SV2B: variants seen among roughly 807,000 people sequenced by gnomAD.
SV2B encodes the protein solute carrier family 22 member B2.
Under a neutral mutation model 73.9 loss-of-function variants are expected in SV2B, and 41 were observed. The observed-to-expected ratio is 0.56, with a 90% CI of 0.43 to 0.72. SV2B has a LOEUF of 0.72. SV2B is among the 30% of genes least tolerant of loss of function. The probability of loss-of-function intolerance (pLI) is 0.00; values close to 1 mark genes in which losing one functional copy is unlikely to be tolerated. For missense variants in SV2B, 764 were observed against 857.8 expected (o/e 0.89, Z 1.37); for synonymous variants, 314 against 314.2 (o/e 1.00, Z 0.01).
chr15:91,134,376 C>A (rs1022836052), intron 1 of SV2B, among the ~76,000 whole-genome samples: 1 of 152,152 alleles, frequency 6.6e-6, no homozygotes, highest in African/African-American at 2.4e-5. Flanking sequence ...GATGTTGCTA[C>A]AATTCAGAAT....
intron 2 of SV2B, among the ~76,000 whole-genome samples, chr15:91,235,564 T>G (rs1180584358): frequency 6.6e-6 from 1 of 152,086 alleles, no homozygotes; most frequent in Non-Finnish European, 1.5e-5. Context: ...AAAAAAAATC[T>G]CTCGAGGAGA....
rs2042233886 is a variant in SV2B, at chr15:91,118,285, G to A, written c.-392+17922G>A. Among the ~76,000 whole-genome samples the A allele has an allele frequency of 6.6e-6, 1 of 152,178 alleles. No individual in the cohort carries two copies. The highest frequency in any genetic ancestry group is 1.5e-5 in the Non-Finnish European group (1 of 68,032). On this transcript the variant is annotated intron_variant, in intron 1 of 12. Transcript: ENST00000394232. The surrounding 1 kb of genome is among the most constrained non-coding windows in gnomAD (Gnocchi z 4.7). ...CTACTATTCAGGAGAGTGCTTTAGA[G>A]GGTTTGATGTGTGCCCTGGAGTTTG... is the stretch of plus-strand genomic sequence containing the variant.
intron 1 of SV2B, among the ~76,000 whole-genome samples, chr15:91,175,940 C>T (rs1280945290): frequency 1.3e-5 from 2 of 151,258 alleles, no homozygotes; most frequent in African/African-American, 4.9e-5. Context: ...GCACAATATG[C>T]AGGTTAGTTA....
intron 2 of SV2B, among the ~76,000 whole-genome samples, chr15:91,237,574 T>C (rs1044320055): frequency 6.6e-6 from 1 of 152,218 alleles, no homozygotes; most frequent in Admixed American, 6.5e-5. Flanking sequence ...TATACATTTT[T>C]TAATAGCTCC....
intron 1 of SV2B, among the ~76,000 whole-genome samples, chr15:91,188,695 A>T (rs8031181): frequency 0.014 from 2,055 of 152,184 alleles, 54 homozygotes; most frequent in African/African-American, 0.046. Flanking sequence ...GAAAAAGATT[A>T]ATCTGAACAC....
chr15:91,100,800 G>A lies in SV2B; in HGVS notation c.-392+437G>A, dbSNP rs921584006. On this transcript the variant is annotated intron_variant, in intron 1 of 12. Coordinates refer to ENST00000394232, the MANE Select transcript of SV2B (RefSeq NM_001323032.3). This position sits in a 1 kb window ranked among gnomAD's most constrained non-coding sequence, Gnocchi z 6.4. ...CAGAATTCAAACGTGCTTACACCTG[G>A]TGGCTCTTGGGGTTTGTGAGTGTGT... 7.9e-5 allele frequency among the ~76,000 whole-genome samples: 12 copies of A among 152,340 alleles called. No homozygotes were observed. The highest frequency in any genetic ancestry group is 3.4e-3 in the Middle Eastern group (1 of 294).
chr15:91,165,795 AAT>A (rs1168545470), intron 1 of SV2B, among the ~76,000 whole-genome samples: 1 of 152,214 alleles, frequency 6.6e-6, no homozygotes, highest in African/African-American at 2.4e-5. Flanking sequence ...CGAGGAGAAA[AAT>A]AGTCAATTAT....
In SV2B at chr15:91,153,515, C is replaced by T. The variant is rs117480443; in HGVS notation, c.-392+53152C>T. 2.6e-5 allele frequency among the ~76,000 whole-genome samples: 4 copies of T among 152,224 alleles called. No homozygotes were observed. The East Asian group carries it at 7.7e-4, about 29-fold the overall frequency. ...CTCATGGGGATAGTAGTTGTTATTA[C>T]CTCGTATGATTGCTTTGAGGATTTA... On this transcript the variant is annotated intron_variant, in intron 1 of 12. Transcript: ENST00000394232.
chr15:91,221,692 C>T lies in SV2B; in HGVS notation c.-391-4181C>T, dbSNP rs75683445. ...CCTGTGGACTATTACCAAGCATGTG[C>T]GCACACACACACACACACACACACA... On this transcript the variant is annotated intron_variant, in intron 1 of 12. Transcript: ENST00000394232. Among the ~76,000 whole-genome samples the T allele has an allele frequency of 5.3e-3, 256 of 47,890 alleles. 2 individuals carry two copies. The highest frequency in any genetic ancestry group is 0.051 in the African/African-American group (215 of 4,188). 31.4% of individuals were successfully genotyped at this position (47,890 alleles called of 152,430 possible).
At chr15:91,157,049 GAATGGTT>G (rs2043515598) in intron 1 of SV2B, among the ~76,000 whole-genome samples, 1 of 152,206 alleles carries the variant, frequency 6.6e-6, no homozygotes, top group Non-Finnish European at 1.5e-5. Flanking sequence ...GTCAGTCAGG[GAATGGTT>G]AAGGCCCTGT....
At chr15:91,172,026 G>A (rs916869176) in intron 1 of SV2B, among the ~76,000 whole-genome samples, 1 of 152,110 alleles carries the variant, frequency 6.6e-6, no homozygotes, top group African/African-American at 2.4e-5. Context: ...TCATCATTGT[G>A]GTGGGGGTTA....
At chr15:91,198,683 T>G (rs1347762752) in intron 1 of SV2B, among the ~76,000 whole-genome samples, 1 of 151,876 alleles carries the variant, frequency 6.6e-6, no homozygotes, top group Non-Finnish European at 1.5e-5. Context: ...AGAAGGGGAA[T>G]GGGAGGGGTA....
chr15:91,221,496 T>G (rs891416052), intron 1 of SV2B, among the ~76,000 whole-genome samples: 1 of 152,140 alleles, frequency 6.6e-6, no homozygotes, highest in Non-Finnish European at 1.5e-5. Context: ...TATAGGATGC[T>G]GGAAAGGTTT....
chr15:91,159,785 T>C (rs1232903032), intron 1 of SV2B, among the ~76,000 whole-genome samples: 1 of 152,194 alleles, frequency 6.6e-6, no homozygotes, highest in Non-Finnish European at 1.5e-5. Context: ...CTGATTTAAA[T>C]ATGAAAAGAG....
intron 6 of SV2B, among the ~76,000 whole-genome samples, chr15:91,262,342 C>T (rs1310864054): frequency 1.3e-5 from 2 of 152,186 alleles, no homozygotes; most frequent in South Asian, 2.1e-4. Flanking sequence ...ATTATTATGA[C>T]ATTTTTTCAT....
At position 91,268,404 on chromosome 15, in the gene SV2B, CTGT is replaced by C. The variant is rs567833049; in HGVS notation, c.1209-28_1209-26del. The C allele has an allele frequency of 3.8e-5, 61 of 1,589,992 alleles. No individual in the cohort carries two copies. The East Asian group carries it at 1.2e-3, about 31-fold the overall frequency. ...GACCCTGATCATGAAAGAATGAATC[CTGT>C]TGTTGTTGCAACCTTCTGCCTTCTC... is the stretch of plus-strand genomic sequence containing the variant. On this transcript the variant is annotated intron_variant, in intron 8 of 12. Coordinates refer to ENST00000394232, the MANE Select transcript of SV2B (RefSeq NM_001323032.3). This position sits in a 1 kb window ranked among gnomAD's most constrained non-coding sequence, Gnocchi z 4.4.
chr15:91,145,864 T>C (rs1449658947), intron 1 of SV2B, among the ~76,000 whole-genome samples: 1 of 152,224 alleles, frequency 6.6e-6, no homozygotes, highest in African/African-American at 2.4e-5. Context: ...TTAAGTTCCT[T>C]ATAGATGCTG....
At chr15:91,179,044 C>T (rs1296122974) in intron 1 of SV2B, among the ~76,000 whole-genome samples, 1 of 151,710 alleles carries the variant, frequency 6.6e-6, no homozygotes. Flanking sequence ...TTATAAATTT[C>T]CCTCTACACA....
chr15:91,247,674 A>G (rs985574792), intron 2 of SV2B, among the ~76,000 whole-genome samples: 2 of 152,184 alleles, frequency 1.3e-5, no homozygotes, highest in African/African-American at 4.8e-5. Context: ...TGCAGCTGCT[A>G]TCTAGAAAGG....
Sources: gnomAD v4.1 joint callset for allele counts (sites outside exome capture counted in the v4.1 genomes callset) on GRCh38, gnomAD v4.1.1 for gene constraint, Gnocchi (gnomAD v3.1) non-coding constraint, MANE v1.5 for transcripts, NCBI Gene and HGNC (gene_info 2026-07-23, HGNC 2026-07-21) for gene names.